Variants in NPC1 observed in about 807,000 individuals in gnomAD.
NPC1 encodes the protein Niemann-Pick C1 protein.
Under a neutral mutation model 140.4 loss-of-function variants are expected in NPC1, and 85 were observed. That is an observed-to-expected ratio of 0.61 (90% confidence interval 0.51 to 0.72). NPC1 has a LOEUF of 0.72. NPC1 is among the 30% of genes least tolerant of loss of function. The pLI is 0.00. For missense variants in NPC1, 1,504 were observed against 1,623.8 expected (o/e 0.93, Z 1.27); for synonymous variants, 656 against 624.8 (o/e 1.05, Z -0.74).
intron 11 of NPC1, among the ~76,000 whole-genome samples, chr18:23,547,538 C>A (rs1330150589): frequency 6.6e-6 from 1 of 152,088 alleles, no homozygotes; most frequent in Non-Finnish European, 1.5e-5. Context: ...GTTAGTAGGT[C>A]AAGACCAGCC....
downstream of NPC1, chr18:23,522,304 G>T (rs1313777259): frequency 2.0e-5 from 3 of 152,208 alleles, no homozygotes; most frequent in African/African-American, 7.2e-5. Flanking sequence ...TGATTGTCTT[G>T]TGTCTGCTGC....
At position 23,535,661 on chromosome 18, in the gene NPC1, A is replaced by G; in HGVS notation, c.3285T>C (p.Ile1095=). ...YVFYEQYLTI[I]DDTIFNLGVS... Reference sequence around the variant, plus strand: ...CACCGAGGTTGAAGATAGTGTCGTCAATGATGGTCAGGTACTGTTCGTAGA... The same window carrying G: ...CACCGAGGTTGAAGATAGTGTCGTCGATGATGGTCAGGTACTGTTCGTAGA... Residue 1095 remains isoleucine, a synonymous_variant, in exon 22 of 25, where the codon ATT becomes ATC. Coordinates refer to ENST00000269228, the MANE Select transcript of NPC1 (RefSeq NM_000271.5). 6.2e-7 allele frequency: 1 copy of G among 1,614,138 alleles called. No individual in the cohort carries two copies. Among genetic ancestry groups the G allele is most frequent in the Non-Finnish European group, 8.5e-7 (1 of 1,180,010 alleles).
At chr18:23,577,237 A>C (rs544446966) in intron 1 of NPC1, among the ~76,000 whole-genome samples, 31 of 151,076 alleles carry the variant, frequency 2.1e-4, no homozygotes, top group Admixed American at 1.2e-3. Flanking sequence ...ACAAACCTTG[A>C]GCTAGATACA....
intron 4 of NPC1, among the ~76,000 whole-genome samples, chr18:23,566,226 AC>A (rs1016221669): frequency 1.3e-5 from 2 of 152,000 alleles, no homozygotes; most frequent in Non-Finnish European, 2.9e-5. Context: ...CCCTATCTCT[AC>A]AAAAAAAAAT....
At chr18:23,540,337 T>A in intron 17 of NPC1, 111 bp downstream of exon 17, 1 of 756,646 alleles carries the variant, frequency 1.3e-6, no homozygotes, top group Non-Finnish European at 2.3e-6. Flanking sequence ...CCTGTCACCA[T>A]TTGCAGTTAG....
chr18:23,554,719 A>G (rs200184748), intron 9 of NPC1, 39 bp downstream of exon 9: 1 of 1,532,266 alleles, frequency 6.5e-7, no homozygotes, highest in African/African-American at 1.4e-5. Context: ...AGTCAGACCC[A>G]AGAATGGTGT....
intron 1 of NPC1, among the ~76,000 whole-genome samples, chr18:23,579,718 G>A (rs1394659273): frequency 3.3e-5 from 5 of 152,054 alleles, no homozygotes; most frequent in African/African-American, 7.2e-5. Context: ...GTGAAACCCC[G>A]TCTCTACTAA....
At chr18:23,528,974 G>A (rs1017078786), downstream of NPC1, 3 of 689,156 alleles carry the variant, frequency 4.4e-6, no homozygotes, top group South Asian at 2.2e-5. Context: ...CTGCCTCCTG[G>A]GTTCAAGGGA....
rs1490823282 is a variant in NPC1 at position 23,543,460 on chromosome 18, A to G, written c.2240T>C (p.Phe747Ser). The G allele has an allele frequency of 2.5e-6, 4 of 1,593,312 alleles. No individual in the cohort carries two copies. The African/African-American group carries it at 5.4e-5, about 21-fold the overall frequency. Residue 747 changes from phenylalanine to serine, a missense_variant, in exon 14 of 25, where the codon TTC becomes TCC. By Grantham distance (155) the Phe-to-Ser change is radical (BLOSUM62 -2). Coordinates refer to ENST00000269228, the MANE Select transcript of NPC1 (RefSeq NM_000271.5). ...LSSFSETVAF[F>S]LGALSVMPAV... ...AGGATTGAAAGCATAATTACCTAAGAAAAATGCTACAGTCTCAGAAAAGGA... is the reference window on the plus strand; with the variant it reads ...AGGATTGAAAGCATAATTACCTAAGGAAAATGCTACAGTCTCAGAAAAGGA...
At chr18:23,515,495 C>T (rs1043502083) in intron 3 of NPC1, among the ~76,000 whole-genome samples, 8 of 152,086 alleles carry the variant, frequency 5.3e-5, no homozygotes, top group African/African-American at 1.2e-4. Context: ...ATTCTCAGAG[C>T]GCACTGTAAG....
rs541356804 is a variant in NPC1 at position 23,547,914 on chromosome 18, G to A, written c.1757+92C>T. The A allele has an allele frequency of 9.6e-6, 8 of 830,524 alleles. No individual in the cohort carries two copies. In the East Asian group the frequency reaches 1.9e-4, roughly 20 times the overall value. The allele number at this position is 830,524 out of a possible 1,614,324, so 51.4% of individuals were successfully genotyped here. A position where few individuals can be genotyped will look rare whatever the true frequency, so the allele number is the denominator to read the frequency against. On this transcript the variant is annotated intron_variant, in intron 11 of 24. Transcript: ENST00000269228. ...ACTACGTAACTCAGATCTGCCATTGGTTAATTTAGAAAATGAAGTTTAAGT... is the reference window on the plus strand; with the variant it reads ...ACTACGTAACTCAGATCTGCCATTGATTAATTTAGAAAATGAAGTTTAAGT...
intron 4 of NPC1, 94 bp downstream of exon 4, chr18:23,568,729 G>C (rs1355119650): frequency 1.9e-5 from 19 of 1,017,056 alleles, no homozygotes; most frequent in Non-Finnish European, 2.9e-5. Flanking sequence ...TGAAAATTGT[G>C]ATTTTCCAGA....
downstream of NPC1, chr18:23,529,543 G>C (rs903398385): frequency 1.9e-5 from 25 of 1,320,966 alleles, 1 homozygote; most frequent in Admixed American, 3.9e-4. Flanking sequence ...GCCATTTTAA[G>C]ATGGAAACAA....
At chr18:23,520,300 G>C (rs1445412963), downstream of NPC1, 2 of 1,613,574 alleles carry the variant, frequency 1.2e-6, no homozygotes, top group East Asian at 4.5e-5. Context: ...AGCCCTATCA[G>C]ATCCCCATCA....
At chr18:23,536,562 G>T (rs1252038951) in intron 21 of NPC1, 111 bp downstream of exon 21, 9 of 875,318 alleles carry the variant, frequency 1.0e-5, no homozygotes, top group East Asian at 2.7e-5. Flanking sequence ...GAATGGAGCA[G>T]GGGCCAGAAC....
At chr18:23,560,649 G>A (rs1391353518) in intron 5 of NPC1, among the ~76,000 whole-genome samples, 169 bp from the exon 6 acceptor site, 1 of 152,220 alleles carries the variant, frequency 6.6e-6, no homozygotes, top group Non-Finnish European at 1.5e-5. Context: ...TTCGTCCTAT[G>A]GAATTTTAAG....
rs536896845 is a variant in NPC1 at position 23,579,788 on chromosome 18, G to T, written c.58-6214C>A. On this transcript the variant is annotated intron_variant, in intron 1 of 24. Transcript: ENST00000269228. ...GCCTGTAGTCCCAGCTACAGGCTGAGACAGGAGAATGGCGTGAACCCGGGA... is the reference window on the plus strand; with the variant it reads ...GCCTGTAGTCCCAGCTACAGGCTGATACAGGAGAATGGCGTGAACCCGGGA... Among the ~76,000 whole-genome samples, 14 of 152,018 alleles carry T rather than the reference G, an allele frequency of 9.2e-5. No homozygotes were observed. In the South Asian group the frequency reaches 2.9e-3, roughly 31 times the overall value.
chr18:23,563,817 A>G (rs1309570067), intron 4 of NPC1, among the ~76,000 whole-genome samples: 1 of 152,050 alleles, frequency 6.6e-6, no homozygotes, highest in Non-Finnish European at 1.5e-5. Context: ...GGTGGGTGTG[A>G]AGTGGTATCT....
Position 23,532,089 on chromosome 18 carries a change from A to G in NPC1, c.*113T>C, listed in dbSNP as rs545968503. Reference sequence around the variant, plus strand: ...CTACGTTCAAAGCTGCTGCCAAACAACCGATGGTTGGCACCATCCGGTGTT... The same window carrying G: ...CTACGTTCAAAGCTGCTGCCAAACAGCCGATGGTTGGCACCATCCGGTGTT... On this transcript the variant is annotated 3_prime_UTR_variant, in exon 25 of 25. Coordinates refer to ENST00000269228, the MANE Select transcript of NPC1 (RefSeq NM_000271.5). 7.4e-6 allele frequency: 12 copies of G among 1,612,218 alleles called. No individual in the cohort carries two copies. The highest frequency in any genetic ancestry group is 1.8e-4 in the Middle Eastern group (1 of 5,684).
Sources: gnomAD v4.1 joint callset for allele counts (sites outside exome capture counted in the v4.1 genomes callset) on GRCh38, gnomAD v4.1.1 for gene constraint, MANE v1.5 for transcripts, NCBI Gene and HGNC (gene_info 2026-07-23, HGNC 2026-07-21) for gene names.